Variants in ANKRD28 observed in about 807,000 individuals in gnomAD.
ANKRD28 encodes serine/threonine-protein phosphatase 6 regulatory ankyrin repeat subunit A.
A neutral mutation model predicts 126.5 loss-of-function variants in ANKRD28; 44 were observed. That is an observed-to-expected ratio of 0.35 (90% CI 0.27 to 0.45). The LOEUF (loss-of-function observed/expected upper bound fraction) is 0.45, where lower values mean the gene tolerates loss of function less well. Ranked by LOEUF, ANKRD28 falls within the 20% of genes least tolerant of loss-of-function variation. The probability of loss-of-function intolerance (pLI) is 1.00; values close to 1 mark genes in which losing one functional copy is unlikely to be tolerated. For synonymous variants in ANKRD28, 442 were observed against 468.5 expected (o/e 0.94, Z 0.73); for missense variants, 1,110 against 1,316.6 (o/e 0.84, Z 2.43).
Position 15,833,555 on chromosome 3 carries a change from ATGTG to A in ANKRD28, c.27+25818_27+25821del, listed in dbSNP as rs564891889. Among the ~76,000 whole-genome samples the A allele has an allele frequency of 6.7e-6, 1 of 149,458 alleles. No homozygotes were observed. The highest frequency in any genetic ancestry group is 1.5e-5 in the Non-Finnish European group (1 of 67,520). On this transcript the variant is annotated intron_variant, in intron 1 of 27. Transcript: ENST00000399451. The surrounding 1 kb of genome is among the most constrained non-coding windows in gnomAD (Gnocchi z 4.4). Reference sequence around the variant, plus strand: ...ATATACATTATTTTTTATATATATAATGTGTGTGTGTATATATATATCTCCTATT... The same window carrying A: ...ATATACATTATTTTTTATATATATAATGTGTGTATATATATATCTCCTATT...
chr3:15,809,256 C>T (rs1475985558), intron 1 of ANKRD28, among the ~76,000 whole-genome samples: 1 of 152,144 alleles, frequency 6.6e-6, no homozygotes, highest in Non-Finnish European at 1.5e-5. Context: ...TAATTCAAAC[C>T]CACTTCAGTC....
intron 2 of ANKRD28, among the ~76,000 whole-genome samples, chr3:15,782,219 T>A (rs1207634743): frequency 6.6e-6 from 1 of 152,058 alleles, no homozygotes; most frequent in Admixed American, 6.6e-5. Flanking sequence ...GAACAGAGTG[T>A]TCTGTTCCAA....
chr3:15,831,983 C>A (rs2061203183), intron 1 of ANKRD28, among the ~76,000 whole-genome samples: 1 of 152,114 alleles, frequency 6.6e-6, no homozygotes, highest in Admixed American at 6.5e-5. Flanking sequence ...ATATAGGTGC[C>A]AGGGTCCTAT....
intron 16 of ANKRD28, 90 bp from the exon 17 acceptor site, chr3:15,694,903 A>G: frequency 1.6e-6 from 2 of 1,223,910 alleles, no homozygotes; most frequent in Non-Finnish European, 2.4e-6. Flanking sequence ...ACCTTAGAGT[A>G]TTATTTGGCA....
At chr3:15,786,172 T>C (rs188226819) in intron 2 of ANKRD28, among the ~76,000 whole-genome samples, 20 of 152,230 alleles carry the variant, frequency 1.3e-4, no homozygotes, top group African/African-American at 4.8e-4. Flanking sequence ...ATGTAAACTC[T>C]GGTTTTTGAG....
At chr3:15,796,238 C>T (rs752819366) in intron 1 of ANKRD28, among the ~76,000 whole-genome samples, 167 bp downstream of exon 1, 2 of 151,958 alleles carry the variant, frequency 1.3e-5, no homozygotes, top group Non-Finnish European at 2.9e-5. Flanking sequence ...AAAGTAAAAA[C>T]GAAAAATGTG....
Position 15,739,362 on chromosome 3 carries a change from A to T in ANKRD28, c.352-2129T>A, listed in dbSNP as rs2075278821. On this transcript the variant is annotated intron_variant, in intron 4 of 27. Coordinates refer to ENST00000683139, the MANE Select transcript of ANKRD28 (RefSeq NM_001349278.2). ...TGGGGAACTAATAAATGTCCATGAA[A>T]TCTTCACAGTTTATGTTCTTCTGCC... Among the ~76,000 whole-genome samples the T allele has an allele frequency of 2.0e-5, 3 of 152,200 alleles. No individual in the cohort carries two copies. In the South Asian group the frequency reaches 6.2e-4, roughly 32 times the overall value.
chr3:15,828,678 GCCTTCACATTTTTAA>G (rs2061123870), intron 1 of ANKRD28, among the ~76,000 whole-genome samples: 1 of 150,808 alleles, frequency 6.6e-6, no homozygotes, highest in Admixed American at 6.6e-5. Context: ...GGGGATTATT[GCCTTCACATTTTTAA>G]CCTAATCTCT....
intron 2 of ANKRD28, among the ~76,000 whole-genome samples, chr3:15,790,847 T>C (rs1054986396): frequency 6.6e-6 from 1 of 152,100 alleles, no homozygotes; most frequent in Admixed American, 6.6e-5. Context: ...AGAAGTCAAA[T>C]TATACCTGTT....
At position 15,815,510 on chromosome 3, in the gene ANKRD28, C is replaced by T. The variant is rs1674463275; in HGVS notation, c.28-20204G>A. ...ATGGGGTCTCATTATGTTGCCTAGG[C>T]TGGTCTCAAACTCCTGGGCTCAAGC... On this transcript the variant is annotated intron_variant, in intron 1 of 27. Transcript: ENST00000399451. The surrounding 1 kb of genome is among the most constrained non-coding windows in gnomAD (Gnocchi z 4.1). Among the ~76,000 whole-genome samples the T allele has an allele frequency of 6.6e-6, 1 of 152,102 alleles. No individual in the cohort carries two copies. Among genetic ancestry groups the T allele is most frequent in the South Asian group, 2.1e-4 (1 of 4,822 alleles).
chr3:15,743,772 C>A (rs1033869514), intron 4 of ANKRD28, among the ~76,000 whole-genome samples: 2 of 152,186 alleles, frequency 1.3e-5, no homozygotes, highest in African/African-American at 4.8e-5. Context: ...AACTATGTCA[C>A]TGAAGGAGAG....
At chr3:15,676,153 C>G in intron 26 of ANKRD28, 164 bp from the exon 27 acceptor site, 1 of 502,998 alleles carries the variant, frequency 2.0e-6, no homozygotes, top group South Asian at 3.3e-5. Flanking sequence ...GAGAGCAGAA[C>G]CTCTGTGCAG....
rs912454728 is a variant in ANKRD28 at position 15,674,080 on chromosome 3, G to A, written c.2965+1818C>T. Among the ~76,000 whole-genome samples the A allele has an allele frequency of 6.4e-5, 9 of 140,846 alleles. No homozygotes were observed. The South Asian group carries it at 1.9e-3, about 29-fold the overall frequency. The allele number at this position is 140,846 out of a possible 152,430, so 92.4% of individuals were successfully genotyped here. A position where few individuals can be genotyped will look rare whatever the true frequency, so the allele number is the denominator to read the frequency against. ...CTAGCTACTTGGGAGGCTGAGGTGA[G>A]AGGTTCTCTTGAGCCCAGGAGTTCA... is the stretch of plus-strand genomic sequence containing the variant. On this transcript the variant is annotated intron_variant, in intron 27 of 27. Coordinates refer to ENST00000683139, the MANE Select transcript of ANKRD28 (RefSeq NM_001349278.2).
At chr3:15,726,700 T>C (rs1421078051) in intron 6 of ANKRD28, among the ~76,000 whole-genome samples, 3 of 152,226 alleles carry the variant, frequency 2.0e-5, no homozygotes, top group Non-Finnish European at 4.4e-5. Context: ...GTGGCTACAT[T>C]AAACAGCAGA....
intron 6 of ANKRD28, among the ~76,000 whole-genome samples, chr3:15,727,797 CATG>C (rs1213242631): frequency 2.0e-5 from 3 of 151,996 alleles, no homozygotes; most frequent in African/African-American, 7.3e-5. Context: ...GCTATAATCT[CATG>C]ATAAAATGTG....
Position 15,797,869 on chromosome 3 carries a change from T to C in ANKRD28, c.-1348A>G. The C allele has an allele frequency of 1.0e-6, 1 of 985,398 alleles. No homozygotes were observed. The highest frequency in any genetic ancestry group is 1.2e-6 in the Non-Finnish European group (1 of 829,940). The allele number at this position is 985,398 out of a possible 1,614,324, so 61.0% of individuals were successfully genotyped here. A position where few individuals can be genotyped will look rare whatever the true frequency, so the allele number is the denominator to read the frequency against. On this transcript the variant is annotated 5_prime_UTR_variant, in exon 1 of 28. It adds an upstream start codon to the 5' untranslated region. Transcript: ENST00000683139. Reference sequence around the variant, plus strand: ...TTAAAAAATATCTATAGAACCTCAGTATCAGTCCCACAGAAGCATTCCAAC... The same window carrying C: ...TTAAAAAATATCTATAGAACCTCAGCATCAGTCCCACAGAAGCATTCCAAC...
Position 15,838,540 on chromosome 3 carries a change from ACCAGCCT to A in ANKRD28, c.27+20830_27+20836del, listed in dbSNP as rs1205416896. Among the ~76,000 whole-genome samples, 2 of 152,152 alleles carry A rather than the reference ACCAGCCT, an allele frequency of 1.3e-5. No individual in the cohort carries two copies. The highest frequency in any genetic ancestry group is 4.8e-5 in the African/African-American group (2 of 41,506). ...GATCACCTGAGGTCAGGAGTTTGAG[ACCAGCCT>A]CCAGCCTGGCCAACATGGTGAAACC... On this transcript the variant is annotated intron_variant, in intron 1 of 27. Coordinates refer to the ANKRD28 transcript ENST00000399451. The surrounding 1 kb of genome is among the most constrained non-coding windows in gnomAD (Gnocchi z 4.0).
chr3:15,685,071 G>A, intron 21 of ANKRD28, 155 bp downstream of exon 21: 2 of 681,404 alleles, frequency 2.9e-6, no homozygotes, highest in South Asian at 3.7e-5. Flanking sequence ...ACAGGAGTGA[G>A]CCTACGTACT....
At chr3:15,788,360 T>C (rs999538206) in intron 2 of ANKRD28, among the ~76,000 whole-genome samples, 1 of 152,082 alleles carries the variant, frequency 6.6e-6, no homozygotes, top group Non-Finnish European at 1.5e-5. Context: ...GAAGAAAAAA[T>C]ATTTCTCTCT....
Sources: allele counts gnomAD v4.1 joint callset (sites outside exome capture counted in the v4.1 genomes callset), GRCh38; gene constraint gnomAD v4.1.1; non-coding constraint Gnocchi (gnomAD v3.1); transcripts MANE v1.5; gene names NCBI Gene and HGNC (gene_info 2026-07-23, HGNC 2026-07-21).